Variants in TSPAN9 observed in about 807,000 individuals in gnomAD.
TSPAN9 encodes tetraspanin 9, also known as tetraspanin-9.
A neutral mutation model predicts 31.0 loss-of-function variants in TSPAN9; 16 were observed. That is an observed-to-expected ratio of 0.52 (90% confidence interval 0.35 to 0.78). TSPAN9 has a LOEUF of 0.78. Ranked by LOEUF, TSPAN9 falls within the 30% of genes least tolerant of loss-of-function variation. The probability of loss-of-function intolerance (pLI) is 0.01; values close to 1 mark genes in which losing one functional copy is unlikely to be tolerated. For missense variants in TSPAN9, 272 were observed against 312.5 expected (o/e 0.87, Z 0.98); for synonymous variants, 145 against 121.6 (o/e 1.19, Z -1.27).
intron 2 of TSPAN9, among the ~76,000 whole-genome samples, chr12:3,178,207 A>G (rs1427421241): frequency 2.0e-5 from 3 of 151,974 alleles, no homozygotes; most frequent in Non-Finnish European, 1.5e-5. Flanking sequence ...TTAGCATAAC[A>G]GCTGTGCTTT....
chr12:3,278,698 G>T, intron 4 of TSPAN9, 86 bp downstream of exon 4: 1 of 1,527,724 alleles, frequency 6.5e-7, no homozygotes, highest in South Asian at 1.3e-5. Context: ...TGGAATATTA[G>T]CCACCTGGGT....
chr12:3,210,998 G>A (rs1361634650), intron 3 of TSPAN9, among the ~76,000 whole-genome samples: 2 of 152,048 alleles, frequency 1.3e-5, no homozygotes, highest in Non-Finnish European at 2.9e-5. Context: ...CTTCTGCCTC[G>A]GCCTTCCAAA....
At chr12:3,082,757 T>A (rs1212672032) in intron 1 of TSPAN9, among the ~76,000 whole-genome samples, 2 of 152,126 alleles carry the variant, frequency 1.3e-5, no homozygotes, top group African/African-American at 4.8e-5. Context: ...TTGAAGCTGA[T>A]TCTGTGCTGG....
At chr12:3,165,378 C>T (rs577485557) in intron 2 of TSPAN9, among the ~76,000 whole-genome samples, 1 of 152,292 alleles carries the variant, frequency 6.6e-6, no homozygotes, top group East Asian at 1.9e-4. Context: ...GGTTCATTTG[C>T]TGATTTTTCA....
At chr12:3,226,765 TATATATATATATATATATATATA>T (rs1565622509) in intron 3 of TSPAN9, among the ~76,000 whole-genome samples, 367 of 3,444 alleles carry the variant, frequency 0.11, 97 homozygotes, top group South Asian at 0.33. Context: ...TATATATATA[TATATATATATATATATATATATA>T]TATATATTTT....
intron 3 of TSPAN9, among the ~76,000 whole-genome samples, chr12:3,208,220 T>A (rs2153973723): frequency 6.6e-6 from 1 of 152,312 alleles, no homozygotes; most frequent in South Asian, 2.1e-4. Flanking sequence ...GAAGGGCGGT[T>A]GGAGCCCTGG....
At chr12:3,158,378 G>T (rs912153900) in intron 2 of TSPAN9, among the ~76,000 whole-genome samples, 2 of 152,178 alleles carry the variant, frequency 1.3e-5, no homozygotes, top group Admixed American at 6.5e-5. Flanking sequence ...AGTGTGCAAG[G>T]CTCTGCAGAA....
chr12:3,089,550 C>T (rs2098303074), intron 2 of TSPAN9, among the ~76,000 whole-genome samples: 1 of 151,968 alleles, frequency 6.6e-6, no homozygotes, highest in South Asian at 2.1e-4. Flanking sequence ...CCTCCTTGGC[C>T]TCCCAAAGTG....
At position 3,168,380 on chromosome 12, in the gene TSPAN9, T is replaced by G. The variant is rs2098349782; in HGVS notation, c.-17-32797T>G. Reference sequence around the variant, plus strand: ...AGCCAAAATCTGTGCCTTCGCAATATGTTCCGGGTGCTGTAGGGGTGCTGG... The same window carrying G: ...AGCCAAAATCTGTGCCTTCGCAATAGGTTCCGGGTGCTGTAGGGGTGCTGG... On this transcript the variant is annotated intron_variant, in intron 2 of 8. Transcript: ENST00000011898. This position sits in a 1 kb window ranked among gnomAD's most constrained non-coding sequence, Gnocchi z 4.0. Among the ~76,000 whole-genome samples, 1 of 152,234 alleles carries G rather than the reference T, an allele frequency of 6.6e-6. No homozygotes were observed. The highest frequency in any genetic ancestry group is 1.5e-5 in the Non-Finnish European group (1 of 68,050).
intron 3 of TSPAN9, among the ~76,000 whole-genome samples, chr12:3,221,055 C>T (rs980065078): frequency 9.2e-5 from 14 of 152,132 alleles, no homozygotes; most frequent in African/African-American, 2.9e-4. Flanking sequence ...GCTGTTGGTA[C>T]GGGGAGGAGG....
intron 2 of TSPAN9, among the ~76,000 whole-genome samples, chr12:3,129,949 G>A (rs1226028841): frequency 1.3e-5 from 2 of 152,156 alleles, no homozygotes; most frequent in African/African-American, 4.8e-5. Context: ...TCAGATATCA[G>A]GTGTACTTGG....
intron 2 of TSPAN9, among the ~76,000 whole-genome samples, chr12:3,131,134 A>G (rs2098329672): frequency 6.6e-6 from 1 of 151,506 alleles, no homozygotes; most frequent in South Asian, 2.1e-4. Context: ...TTGGGGAAAA[A>G]AAAAAAGAAA....
chr12:3,256,552 A>T (rs1862349314), intron 3 of TSPAN9, among the ~76,000 whole-genome samples: 1 of 152,140 alleles, frequency 6.6e-6, no homozygotes, highest in African/African-American at 2.4e-5. Context: ...CGATTTCGGG[A>T]GCGGCCCGGC....
chr12:3,244,585 C>T (rs984568495), intron 3 of TSPAN9, among the ~76,000 whole-genome samples: 2 of 152,174 alleles, frequency 1.3e-5, no homozygotes, highest in African/African-American at 4.8e-5. Context: ...CTCGAGCCAC[C>T]TCACGCCCCA....
chr12:3,264,315 C>T lies in TSPAN9; in HGVS notation c.64-14106C>T, dbSNP rs191381457. Among the ~76,000 whole-genome samples, 348 of 152,318 alleles carry T rather than the reference C, an allele frequency of 2.3e-3. 8 individuals are homozygous for T. Among genetic ancestry groups the T allele is most frequent in the Admixed American group, 0.021 (322 of 15,304 alleles). The stretch of plus-strand genomic sequence containing the variant: ...CCTCGGCCCCTTCTGGGTCACAGAA[C>T]AGCTTCCCGCCCGCCAGCCCGCCTC... On this transcript the variant is annotated intron_variant, in intron 3 of 8. Transcript: ENST00000011898.
chr12:3,109,305 A>AGT (rs1371644620), intron 2 of TSPAN9, among the ~76,000 whole-genome samples: 1,592 of 128,042 alleles, frequency 0.012, 10 homozygotes, highest in Non-Finnish European at 0.018. Context: ...TGTGTGAGAG[A>AGT]GAGTGTGTGT....
In TSPAN9 at chr12:3,284,235, C is replaced by T. The variant is rs563651194; in HGVS notation, c.*1119C>T. 2 of 152,780 alleles carry T rather than the reference C, an allele frequency of 1.3e-5. No individual in the cohort carries two copies. The highest frequency in any genetic ancestry group is 1.9e-4 in the East Asian group (1 of 5,164). The allele number at this position is 152,780 out of a possible 1,614,324, so 9.5% of individuals were successfully genotyped here. A position where few individuals can be genotyped will look rare whatever the true frequency, so the allele number is the denominator to read the frequency against. The stretch of plus-strand genomic sequence containing the variant: ...CTGTCAGACAAATACCTCTCTAGTT[C>T]GGATGCTGCTCACTTTCCCCCTTGC... On this transcript the variant is annotated 3_prime_UTR_variant, in exon 9 of 9. Coordinates refer to ENST00000011898, the MANE Select transcript of TSPAN9 (RefSeq NM_006675.5).
intron 2 of TSPAN9, among the ~76,000 whole-genome samples, chr12:3,155,868 C>G (rs2098342007): frequency 6.6e-6 from 1 of 152,160 alleles, no homozygotes; most frequent in Non-Finnish European, 1.5e-5. Context: ...CCTCCGAGAT[C>G]TCTAGGGGGA....
intron 2 of TSPAN9, among the ~76,000 whole-genome samples, chr12:3,174,234 G>GT (rs531606657): frequency 6.6e-6 from 1 of 152,028 alleles, no homozygotes. Flanking sequence ...TACCTGGCTA[G>GT]TTTTTTAGTT....
Sources: allele counts gnomAD v4.1 joint callset (sites outside exome capture counted in the v4.1 genomes callset), GRCh38; gene constraint gnomAD v4.1.1; non-coding constraint Gnocchi (gnomAD v3.1); transcripts MANE v1.5; gene names NCBI Gene and HGNC (gene_info 2026-07-23, HGNC 2026-07-21).